Variants in RHBDD3 observed in about 807,000 individuals in gnomAD.
The protein encoded by RHBDD3 is rhomboid domain-containing protein 3.
RHBDD3 carries 34 observed loss-of-function variants against 32.3 expected under a neutral mutation model. The ratio of observed to expected loss-of-function variants is 1.05; its 90% CI spans 0.80 to 1.40. The LOEUF (loss-of-function observed/expected upper bound fraction) is 1.40, where lower values mean the gene tolerates loss of function less well. Among genes scored for constraint, RHBDD3 ranks in the 40% most tolerant of loss-of-function variants. RHBDD3 has a pLI of 0.00. For missense variants in RHBDD3, 482 were observed against 492.6 expected, an observed-to-expected ratio of 0.98 and a Z score of 0.20; for synonymous variants, 249 against 239.1, an observed-to-expected ratio of 1.04 and a Z score of -0.38.
At chr22:29,266,412 T>C (rs964497874) in intron 2 of RHBDD3, among the ~76,000 whole-genome samples, 7 of 152,232 alleles carry the variant, frequency 4.6e-5, no homozygotes, top group East Asian at 3.8e-4. Flanking sequence ...ATTCATAAAT[T>C]CTTTTCCTCA....
chr22:29,260,388 G>A lies in RHBDD3; in HGVS notation c.921C>T (p.Asp307=), dbSNP rs371162058. 2.3e-5 allele frequency: 37 copies of A among 1,612,290 alleles called. No homozygotes were observed. Among genetic ancestry groups the A allele is most frequent in the Admixed American group, 1.3e-4 (8 of 59,864 alleles). The change falls in exon 6 of 7, where the codon GAC becomes GAT. Residue 307 remains aspartate (D), a synonymous_variant. Coordinates refer to ENST00000216085, the MANE Select transcript of RHBDD3 (RefSeq NM_012265.3). ...LQEGIQASLL[D]GPAQEPQSAP... ...CGCTCTGGGGTTCCTGGGCTGGCCC[G>A]TCAAGAAGCGAGGCCTGGATGCCCT...
At chr22:29,261,355 G>C in intron 4 of RHBDD3, 1 of 466,890 alleles carries the variant, frequency 2.1e-6, no homozygotes, top group South Asian at 1.5e-5. Context: ...CCAGCACTTG[G>C]GGAGGCTGAG....
chr22:29,263,793 A>G, intron 4 of RHBDD3, 42 bp downstream of exon 4: 1 of 1,473,660 alleles, frequency 6.8e-7, no homozygotes, highest in Non-Finnish European at 9.0e-7. Flanking sequence ...CACCCACAGA[A>G]CCCACACATC....
At chr22:29,265,378 C>A in intron 3 of RHBDD3, 101 bp downstream of exon 3, 1 of 953,236 alleles carries the variant, frequency 1.0e-6, no homozygotes, top group East Asian at 3.2e-5. Flanking sequence ...GGGCCCCATC[C>A]CTGTTTGACC....
At position 29,260,500 on chromosome 22, in the gene RHBDD3, G is replaced by A; in HGVS notation, c.809C>T (p.Ser270Phe). 6.2e-7 allele frequency: 1 copy of A among 1,601,520 alleles called. No homozygotes were observed. Among genetic ancestry groups the A allele is most frequent in the Non-Finnish European group, 8.5e-7 (1 of 1,176,084 alleles). Residue 270 changes from serine (S) to phenylalanine (F), a missense_variant, in exon 6 of 7, where the codon TCC (serine) becomes TTC (phenylalanine). By Grantham distance (155) the Ser-to-Phe change is radical. Coordinates refer to ENST00000216085, the MANE Select transcript of RHBDD3 (RefSeq NM_012265.3). ...AGCCCAGTCCAGGCCTGCCTCTGAGGAGCCCTCCCAGGTGGGCTGCACAGG... is the reference window on the plus strand; with the variant it reads ...AGCCCAGTCCAGGCCTGCCTCTGAGAAGCCCTCCCAGGTGGGCTGCACAGG... ...LRPVQPTWEG[S>F]SEAGLDWAGA... is the part of the protein sequence containing the mutation.
chr22:29,263,421 T>C (rs560244411), intron 4 of RHBDD3, among the ~76,000 whole-genome samples: 1 of 152,132 alleles, frequency 6.6e-6, no homozygotes, highest in African/African-American at 2.4e-5. Context: ...TCAAGTGATC[T>C]GCCCGCCTGG....
chr22:29,261,780 G>A (rs181776142), intron 4 of RHBDD3: 489 of 172,026 alleles, frequency 2.8e-3, no homozygotes, highest in African/African-American at 0.011. Flanking sequence ...TCAGCTTCCC[G>A]AATAGATGGG....
chr22:29,260,452 G>A lies in RHBDD3; in HGVS notation c.857C>T (p.Thr286Ile). The change falls in exon 6 of 7, where the codon ACT becomes ATT. Residue 286 changes from threonine to isoleucine, a missense_variant. Thr to Ile is a moderately conservative substitution (Grantham distance 89). Coordinates refer to ENST00000216085, the MANE Select transcript of RHBDD3 (RefSeq NM_012265.3). ...DWAGASFSPG[T>I]PMWAALDEQM... Reference sequence around the variant, plus strand: ...CTCATCCAAGGCCGCCCACATCGGAGTCCCTGGGGAGAAGCTGGCCCCAGC... The same window carrying A: ...CTCATCCAAGGCCGCCCACATCGGAATCCCTGGGGAGAAGCTGGCCCCAGC... 1 of 1,610,688 alleles carries A rather than the reference G, an allele frequency of 6.2e-7. No homozygotes were observed. The highest frequency in any genetic ancestry group is 8.5e-7 in the Non-Finnish European group (1 of 1,179,306).
chr22:29,259,970 C>T lies in RHBDD3; in HGVS notation c.*90G>A, dbSNP rs2058089486. The stretch of plus-strand genomic sequence containing the variant: ...GGTGCCCCTGCTCCCCACTGTGGCC[C>T]TCTTTAGACAGAGTAGGAGCTCGGG... On this transcript the variant is annotated 3_prime_UTR_variant, in exon 7 of 7. Transcript: ENST00000216085. The T allele has an allele frequency of 1.5e-6, 2 of 1,362,326 alleles. No individual in the cohort carries two copies. Among genetic ancestry groups the T allele is most frequent in the East Asian group, 5.0e-5 (2 of 39,754 alleles). The allele number at this position is 1,362,326 out of a possible 1,614,324, so 84.4% of individuals were successfully genotyped here.
chr22:29,264,357 A>C, intron 3 of RHBDD3, 139 bp from the exon 4 acceptor site: 1 of 1,432,230 alleles, frequency 7.0e-7, no homozygotes, highest in Non-Finnish European at 9.2e-7. Context: ...CAGTCTTCCC[A>C]CAGCCAGCAC....
Position 29,264,157 on chromosome 22 carries a change from C to T in RHBDD3, c.210G>A (p.Leu70=). 1 of 1,585,724 alleles carries T rather than the reference C, an allele frequency of 6.3e-7. No individual in the cohort carries two copies. The highest frequency in any genetic ancestry group is 8.6e-7 in the Non-Finnish European group (1 of 1,167,490). The change falls in exon 4 of 7, where the codon CTG becomes CTA. Residue 70 remains leucine (L), a synonymous_variant. Transcript: ENST00000216085. ...HTALPGLLLS[L]LLLPTVGWQQ... ...GCCAGCCCACAGTGGGCAGGAGCAG[C>T]AGGCTCAGGAGCAGGCCTGGCAGGG...
intron 6 of RHBDD3, 26 bp downstream of exon 6, chr22:29,260,300 C>T: frequency 1.2e-6 from 2 of 1,606,406 alleles, no homozygotes; most frequent in East Asian, 2.2e-5. Context: ...TACCAGGGGA[C>T]CCCACCTCTG....
Position 29,267,953 on chromosome 22 carries a change from A to G in RHBDD3, c.-400T>C. 3.2e-6 allele frequency: 1 copy of G among 314,368 alleles called. No homozygotes were observed. The highest frequency in any genetic ancestry group is 6.1e-6 in the Non-Finnish European group (1 of 164,240). The allele number at this position is 314,368 out of a possible 1,614,324, so 19.5% of individuals were successfully genotyped here. A position where few individuals can be genotyped will look rare whatever the true frequency, so the allele number is the denominator to read the frequency against. On this transcript the variant is annotated 5_prime_UTR_variant, in exon 1 of 7. Coordinates refer to ENST00000216085, the MANE Select transcript of RHBDD3 (RefSeq NM_012265.3). ...TGTTCTAGTCCGGGTCCCTTCCCCC[A>G]GCCCTCCCGCCGATCTCCGTCTCCC...
downstream of RHBDD3, chr22:29,259,862 G>T: frequency 1.7e-6 from 1 of 591,302 alleles, no homozygotes; most frequent in South Asian, 2.2e-5. Flanking sequence ...TGCCTCCAAG[G>T]AGGTCCAGGT....
At chr22:29,265,393 G>C in intron 3 of RHBDD3, 86 bp downstream of exon 3, 1 of 1,145,748 alleles carries the variant, frequency 8.7e-7, no homozygotes. Flanking sequence ...TTGACCCCTG[G>C]AGGCCTTGTG....
At chr22:29,265,926 CA>C (rs2058171443) in intron 2 of RHBDD3, among the ~76,000 whole-genome samples, 1 of 152,074 alleles carries the variant, frequency 6.6e-6, no homozygotes, top group Non-Finnish European at 1.5e-5. Context: ...CCTGAACTCC[CA>C]AAAAGAGGGG....
Position 29,260,745 on chromosome 22 carries a change from C to A in RHBDD3, c.652G>T (p.Gly218Cys). The A allele has an allele frequency of 3.1e-6, 5 of 1,598,590 alleles. No homozygotes were observed. Among genetic ancestry groups the A allele is most frequent in the Non-Finnish European group, 4.3e-6 (5 of 1,173,638 alleles). ...GTGACAGGCAGCTCCGCCAGGCTAC[C>A]CGGGGTGGCAAGGAGCCTCAGGGGC... ...CWPLRLLATP[G>C]SLAELPVTHP... Residue 218 changes from glycine (G) to cysteine (C), a missense_variant, in exon 5 of 7, where the codon GGT becomes TGT. Coordinates refer to ENST00000216085, the MANE Select transcript of RHBDD3 (RefSeq NM_012265.3).
In RHBDD3 at chr22:29,259,901, C is replaced by T. The variant is rs2058088730; in HGVS notation, c.*159G>A. 1 of 686,778 alleles carries T rather than the reference C, an allele frequency of 1.5e-6. No homozygotes were observed. The highest frequency in any genetic ancestry group is 2.4e-6 in the Non-Finnish European group (1 of 419,124). The allele number at this position is 686,778 out of a possible 1,614,324, so 42.5% of individuals were successfully genotyped here. On this transcript the variant is annotated 3_prime_UTR_variant, in exon 7 of 7. Coordinates refer to ENST00000216085, the MANE Select transcript of RHBDD3 (RefSeq NM_012265.3). ...AAAACAAACTGGTTTTTATTCTAAA[C>T]ACGTACTAGGGCAGCATGCTGGGGG...
rs1459269625 is a variant in RHBDD3 at position 29,265,605 on chromosome 22, C to T, written c.22G>A (p.Gly8Ser). The change falls in exon 3 of 7, where the codon GGC (glycine) becomes AGC (serine). Residue 8 changes from glycine to serine, a missense_variant. Physicochemically the swap from Gly to Ser is moderately conservative, Grantham distance 56. Transcript: ENST00000216085. MHARGPH[G>S]QLSPALPLAS... Reference sequence around the variant, plus strand: ...AGAGGCAGTGCTGGGGACAGTTGGCCATGGGGGCCCCTGGCATGCATCGCT... The same window carrying T: ...AGAGGCAGTGCTGGGGACAGTTGGCTATGGGGGCCCCTGGCATGCATCGCT... 6.3e-7 allele frequency: 1 copy of T among 1,589,352 alleles called. No homozygotes were observed. Among genetic ancestry groups the T allele is most frequent in the Non-Finnish European group, 8.5e-7 (1 of 1,170,858 alleles).
Sources: allele counts gnomAD v4.1 joint callset (sites outside exome capture counted in the v4.1 genomes callset), GRCh38; gene constraint gnomAD v4.1.1; transcripts MANE v1.5; gene names NCBI Gene and HGNC (gene_info 2026-07-23, HGNC 2026-07-21).